Variants in GRIA3 observed in about 807,000 individuals in gnomAD.
GRIA3 encodes the protein glutamate receptor 3.
GRIA3 carries 3 observed loss-of-function variants against 63.0 expected under a neutral mutation model. That is an observed-to-expected ratio of 0.05 (90% CI 0.02 to 0.12). The LOEUF is 0.12. GRIA3 is among the 10% of genes least tolerant of loss of function. The probability of loss-of-function intolerance (pLI) is 1.00; values close to 1 mark genes in which losing one functional copy is unlikely to be tolerated. For missense variants in GRIA3, 347 were observed against 700.9 expected, an observed-to-expected ratio of 0.50 and a Z score of 5.70; for synonymous variants, 274 against 257.9, an observed-to-expected ratio of 1.06 and a Z score of -0.60.
intron 3 of GRIA3, among the ~76,000 whole-genome samples, chrX:123,298,071 T>C (rs2044697455): frequency 1.8e-5 from 2 of 111,660 alleles, no homozygotes; most frequent in South Asian, 7.5e-4. Context: ...ATGCTGTTCT[T>C]TTTTATGCTG....
intron 12 of GRIA3, among the ~76,000 whole-genome samples, chrX:123,438,528 CT>C (rs764723833): frequency 1.4e-4 from 15 of 109,453 alleles, no homozygotes; most frequent in Admixed American, 3.9e-4. Context: ...TCTGCTATAA[CT>C]TTTTTTTTTC....
chrX:123,405,886 G>C (rs187806115), intron 10 of GRIA3, among the ~76,000 whole-genome samples: 1 of 112,152 alleles, frequency 8.9e-6, no homozygotes, highest in East Asian at 2.8e-4. Context: ...ACTCCTCGAG[G>C]ACAGAAGATG....
chrX:123,380,591 AG>A, intron 5 of GRIA3, among the ~76,000 whole-genome samples: 1 of 111,604 alleles, frequency 9.0e-6, no homozygotes, highest in Admixed American at 9.6e-5. Context: ...CCCATTCTGT[AG>A]GTTGCCTGTT....
intron 2 of GRIA3, among the ~76,000 whole-genome samples, chrX:123,200,642 C>T (rs1603022167): frequency 1.9e-5 from 2 of 105,453 alleles, no homozygotes; most frequent in African/African-American, 6.9e-5. Flanking sequence ...CACACACACA[C>T]GCAACCATTA....
At chrX:123,266,049 C>G (rs1256363748) in intron 3 of GRIA3, among the ~76,000 whole-genome samples, 1 of 112,174 alleles carries the variant, frequency 8.9e-6, no homozygotes, top group Non-Finnish European at 1.9e-5. Flanking sequence ...TCTTCGAGGT[C>G]TTAAAACACA....
chrX:123,242,551 T>C (rs1656068688), intron 2 of GRIA3, among the ~76,000 whole-genome samples: 1 of 112,160 alleles, frequency 8.9e-6, no homozygotes, highest in Admixed American at 9.4e-5. Context: ...CTTTAGATGA[T>C]TGATGGAGAT....
intron 6 of GRIA3, among the ~76,000 whole-genome samples, chrX:123,398,039 A>G (rs2045423423): frequency 8.9e-6 from 1 of 111,851 alleles, no homozygotes; most frequent in African/African-American, 3.3e-5. Context: ...TTAAAACTCA[A>G]TAATAATTGA....
chrX:123,215,974 C>G (rs1928149316), intron 2 of GRIA3, among the ~76,000 whole-genome samples: 1 of 111,927 alleles, frequency 8.9e-6, no homozygotes, highest in African/African-American at 3.3e-5. Flanking sequence ...TACATATCAG[C>G]TAAAGCCAGT....
At chrX:123,376,984 G>C (rs1454220145) in intron 5 of GRIA3, among the ~76,000 whole-genome samples, 2 of 98,100 alleles carry the variant, frequency 2.0e-5, no homozygotes, top group Non-Finnish European at 4.0e-5. Flanking sequence ...GCCCAGGCTG[G>C]AGTGCAATGG....
chrX:123,360,642 G>A (rs1407873611), intron 5 of GRIA3, among the ~76,000 whole-genome samples: 4 of 97,232 alleles, frequency 4.1e-5, no homozygotes, highest in Non-Finnish European at 8.1e-5. Flanking sequence ...GTTGCAGTGA[G>A]CTGAGATCGT....
chrX:123,375,583 A>C lies in GRIA3; in HGVS notation c.751-19385A>C, dbSNP rs766338853. ...TTTTTTAAACCCTCTTAAATTCTGG[A>C]TATCTTTTAGTGTTCTCTGTTATAT... On this transcript the variant is annotated intron_variant, in intron 5 of 15. Transcript: ENST00000620443. Among the ~76,000 whole-genome samples the C allele has an allele frequency of 8.0e-5, 9 of 111,880 alleles. No individual in the cohort carries two copies. In the South Asian group the frequency reaches 3.0e-3, roughly 37 times the overall value.
At chrX:123,199,037 C>T (rs1412251257) in intron 2 of GRIA3, among the ~76,000 whole-genome samples, 1 of 111,266 alleles carries the variant, frequency 9.0e-6, no homozygotes, top group Non-Finnish European at 1.9e-5. Context: ...AAGTTAAGAA[C>T]GTATTCGTTT....
intron 2 of GRIA3, among the ~76,000 whole-genome samples, chrX:123,207,125 C>T (rs1927909108): frequency 9.6e-6 from 1 of 103,703 alleles, no homozygotes; most frequent in African/African-American, 3.6e-5. Flanking sequence ...GTGATGTTAA[C>T]AGACATGGTG....
At position 123,238,905 on chromosome X, in the gene GRIA3, C is replaced by G. The variant is rs143011150; in HGVS notation, c.269-14398C>G. On this transcript the variant is annotated intron_variant, in intron 2 of 15. Transcript: ENST00000620443. The stretch of plus-strand genomic sequence containing the variant: ...AAGGTGTGGTCATGCTGTCACTGGA[C>G]CAGTTATGAGTTCCCTAGCAGGAGG... Among the ~76,000 whole-genome samples, 13 of 109,879 alleles carry G rather than the reference C, an allele frequency of 1.2e-4. No individual in the cohort carries two copies. The East Asian group carries it at 3.4e-3, about 29-fold the overall frequency.
intron 14 of GRIA3, among the ~76,000 whole-genome samples, chrX:123,480,799 G>A (rs919400257): frequency 5.4e-5 from 6 of 111,549 alleles, no homozygotes; most frequent in Admixed American, 2.8e-4. Flanking sequence ...ATCTCTGTAC[G>A]TAATACTTTT....
intron 13 of GRIA3, among the ~76,000 whole-genome samples, chrX:123,469,702 T>A (rs935084569): frequency 8.9e-6 from 1 of 112,317 alleles, no homozygotes; most frequent in African/African-American, 3.2e-5. Context: ...AGCCAGTAGG[T>A]TGTTTCAGTG....
intron 3 of GRIA3, among the ~76,000 whole-genome samples, chrX:123,299,134 T>TC (rs2044704501): frequency 8.9e-6 from 1 of 111,784 alleles, no homozygotes; most frequent in African/African-American, 3.2e-5. Context: ...ACTTTAGCCT[T>TC]GTACTATAGT....
At chrX:123,466,799 G>T (rs1357566450) in intron 13 of GRIA3, among the ~76,000 whole-genome samples, 1 of 112,402 alleles carries the variant, frequency 8.9e-6, no homozygotes. Context: ...GTGAAGAACA[G>T]TGTTTCCCAA....
chrX:123,449,151 C>T (rs762664850), intron 12 of GRIA3, among the ~76,000 whole-genome samples: 1 of 111,872 alleles, frequency 8.9e-6, no homozygotes, highest in South Asian at 3.8e-4. Context: ...CAGACAGGCC[C>T]CTTCCAGAGC....
Sources: allele counts gnomAD v4.1 joint callset (sites outside exome capture counted in the v4.1 genomes callset), GRCh38; gene constraint gnomAD v4.1.1; transcripts MANE v1.5; gene names NCBI Gene and HGNC (gene_info 2026-07-23, HGNC 2026-07-21).